THSD4: variants seen among roughly 807,000 people sequenced by gnomAD.
The protein encoded by THSD4 is thrombospondin type-1 domain-containing protein 4.
A neutral mutation model predicts 119.0 loss-of-function variants in THSD4; 69 were observed. That is an observed-to-expected ratio of 0.58 (90% CI 0.48 to 0.71). The LOEUF (loss-of-function observed/expected upper bound fraction) is 0.71. Among genes scored for constraint, THSD4 ranks in the 30% least tolerant of loss-of-function variants. THSD4 has a pLI of 0.00. For missense variants in THSD4, 1,393 were observed against 1,391.1 expected (o/e 1.00, Z -0.02); for synonymous variants, 524 against 540.4 (o/e 0.97, Z 0.42).
chr15:71,368,057 T>G (rs981331395), intron 6 of THSD4, among the ~76,000 whole-genome samples: 1 of 152,196 alleles, frequency 6.6e-6, no homozygotes, highest in Non-Finnish European at 1.5e-5. Context: ...TTTTTTCATG[T>G]GTCTTTTGGC....
intron 6 of THSD4, among the ~76,000 whole-genome samples, chr15:71,297,363 T>C (rs1459417153): frequency 6.7e-6 from 1 of 149,370 alleles, no homozygotes; most frequent in Non-Finnish European, 1.5e-5. Flanking sequence ...TGAGACGGAA[T>C]CTCGCTCTGT....
At chr15:71,332,238 T>G (rs2045430333) in intron 6 of THSD4, among the ~76,000 whole-genome samples, 2 of 152,202 alleles carry the variant, frequency 1.3e-5, no homozygotes, top group Non-Finnish European at 2.9e-5. Context: ...AGTGATGGAT[T>G]TCAGAGCACA....
intron 1 of THSD4, among the ~76,000 whole-genome samples, chr15:71,100,618 A>C (rs2040249986): frequency 6.6e-6 from 1 of 152,190 alleles, no homozygotes; most frequent in South Asian, 2.1e-4. Context: ...AGTTTGTGAT[A>C]ATTTGTTACA....
rs371539646 is a variant in THSD4, at chr15:71,738,014, C to T, written c.1906+7C>T. 6.8e-6 allele frequency: 11 copies of T among 1,612,768 alleles called. No individual in the cohort carries two copies. In the African/African-American group the frequency reaches 1.5e-4, roughly 22 times the overall value. ...TCCACGACCTGTGGGAAAGGTGAGC[C>T]TGTGTGGGGGACGGGTGGATCCCTG... On this transcript the variant is annotated splice_region_variant and intron_variant, in intron 11 of 17. Coordinates refer to ENST00000261862, the MANE Select transcript of THSD4 (RefSeq NM_024817.3).
chr15:71,641,975 A>AGG (rs1286730265), intron 7 of THSD4, among the ~76,000 whole-genome samples: 15 of 152,212 alleles, frequency 9.9e-5, no homozygotes, highest in African/African-American at 3.4e-4. Flanking sequence ...CATAAAACCA[A>AGG]ATGGAATATA....
intron 14 of THSD4, among the ~76,000 whole-genome samples, chr15:71,752,434 G>T (rs1318539522): frequency 1.3e-5 from 2 of 152,174 alleles, no homozygotes; most frequent in Non-Finnish European, 2.9e-5. Flanking sequence ...TCTTTCGTTC[G>T]TTTTGGAAAA....
At chr15:71,756,224 G>A (rs1046766049) in intron 14 of THSD4, among the ~76,000 whole-genome samples, 2 of 152,180 alleles carry the variant, frequency 1.3e-5, no homozygotes, top group African/African-American at 4.8e-5. Flanking sequence ...ACAGTCCAGG[G>A]TAAGAAAGTA....
At chr15:71,404,514 C>T (rs1333293982) in intron 6 of THSD4, among the ~76,000 whole-genome samples, 1 of 152,176 alleles carries the variant, frequency 6.6e-6, no homozygotes, top group Non-Finnish European at 1.5e-5. Flanking sequence ...TCAGTTTCCC[C>T]TTTTTAGCTA....
At chr15:71,245,791 G>C (rs150894155) in intron 5 of THSD4, among the ~76,000 whole-genome samples, 1 of 152,160 alleles carries the variant, frequency 6.6e-6, no homozygotes, top group African/African-American at 2.4e-5. Context: ...TTTTAGGCAC[G>C]GTGAGCCACT....
In THSD4 at chr15:71,174,488, G is replaced by A. The variant is rs868710606; in HGVS notation, c.99+19556G>A. ...CCACACCTGGCTCAGAGGGTCCTACGCCCACGGAATCTCGCTGATTGCTAG... is the reference window on the plus strand; with the variant it reads ...CCACACCTGGCTCAGAGGGTCCTACACCCACGGAATCTCGCTGATTGCTAG... On this transcript the variant is annotated intron_variant, in intron 3 of 17. Transcript: ENST00000261862. Among the ~76,000 whole-genome samples, 1,102 of 129,142 alleles carry A rather than the reference G, an allele frequency of 8.5e-3. 4 individuals carry two copies. The highest frequency in any genetic ancestry group is 0.014 in the Non-Finnish European group (813 of 60,030). 84.7% of individuals were successfully genotyped at this position (129,142 alleles called of 152,430 possible).
chr15:71,194,438 G>C (rs989359049), intron 3 of THSD4, among the ~76,000 whole-genome samples: 4 of 152,194 alleles, frequency 2.6e-5, no homozygotes, highest in African/African-American at 9.7e-5. Flanking sequence ...GGGGTCTGGA[G>C]ATAGTTTGCC....
intron 1 of THSD4, among the ~76,000 whole-genome samples, chr15:71,130,854 C>T (rs1197735322): frequency 2.6e-5 from 4 of 152,192 alleles, no homozygotes; most frequent in African/African-American, 9.6e-5. Flanking sequence ...ACGCCATTCT[C>T]CTGCCTCAGT....
Position 71,586,894 on chromosome 15 carries a change from C to T in THSD4, c.1153-73636C>T, listed in dbSNP as rs192703378. Among the ~76,000 whole-genome samples the T allele has an allele frequency of 3.6e-4, 55 of 152,310 alleles. 1 individual carries two copies. Among genetic ancestry groups the T allele is most frequent in the Admixed American group, 3.1e-3 (48 of 15,306 alleles). On this transcript the variant is annotated intron_variant, in intron 7 of 17. Coordinates refer to ENST00000261862, the MANE Select transcript of THSD4 (RefSeq NM_024817.3). Reference sequence around the variant, plus strand: ...CTTATCACAACCAACAAGCATTATGCCTAGTCAGTGCTAGGCCCTATGGAA... The same window carrying T: ...CTTATCACAACCAACAAGCATTATGTCTAGTCAGTGCTAGGCCCTATGGAA...
chr15:71,597,966 C>G (rs1217343295), intron 7 of THSD4, among the ~76,000 whole-genome samples: 1 of 152,116 alleles, frequency 6.6e-6, no homozygotes, highest in Admixed American at 6.6e-5. Context: ...TTACTATGGT[C>G]CCAATCCTGT....
At chr15:71,211,807 T>C (rs2043890179) in intron 3 of THSD4, among the ~76,000 whole-genome samples, 2 of 152,186 alleles carry the variant, frequency 1.3e-5, no homozygotes, top group Non-Finnish European at 2.9e-5. Context: ...CACATGTCAG[T>C]ATGTATTGGG....
intron 7 of THSD4, among the ~76,000 whole-genome samples, chr15:71,451,383 T>C (rs2047263269): frequency 6.6e-6 from 1 of 152,220 alleles, no homozygotes; most frequent in Admixed American, 6.5e-5. Flanking sequence ...GTGATCCCAG[T>C]TAATCTTCCC....
Position 71,326,700 on chromosome 15 carries a change from A to AATATATATATAT in THSD4, c.1015+70000_1015+70011dup, listed in dbSNP as rs71154759. On this transcript the variant is annotated intron_variant, in intron 6 of 17. Transcript: ENST00000261862. ...AAAAAAAAAAAAAAAAAAAAAAAAAAATATATATATATATATATATATATA... is the reference window on the plus strand; with the variant it reads ...AAAAAAAAAAAAAAAAAAAAAAAAAAATATATATATATATATATATATATATATATATATATA... Among the ~76,000 whole-genome samples the AATATATATATAT allele has an allele frequency of 7.8e-3, 50 of 6,442 alleles. 4 individuals carry two copies. The highest frequency in any genetic ancestry group is 0.02 in the East Asian group (3 of 148). The allele number at this position is 6,442 out of a possible 152,430, so 4.2% of individuals were successfully genotyped here.
At chr15:71,764,102 C>A (rs1323116069) in intron 15 of THSD4, among the ~76,000 whole-genome samples, 1 of 149,472 alleles carries the variant, frequency 6.7e-6, no homozygotes, top group Non-Finnish European at 1.5e-5. Context: ...ACGAATGAAC[C>A]AGGCAAGGCA....
At chr15:71,704,369 A>C (rs1162515579) in intron 8 of THSD4, among the ~76,000 whole-genome samples, 1 of 152,166 alleles carries the variant, frequency 6.6e-6, no homozygotes, top group Non-Finnish European at 1.5e-5. Context: ...TAATTGAATC[A>C]TGGGGACAGG....
Sources: allele counts gnomAD v4.1 joint callset (sites outside exome capture counted in the v4.1 genomes callset), GRCh38; gene constraint gnomAD v4.1.1; transcripts MANE v1.5; gene names NCBI Gene and HGNC (gene_info 2026-07-23, HGNC 2026-07-21).